SPAG6: variants seen among roughly 807,000 people sequenced by gnomAD.
The protein encoded by SPAG6 is sperm associated antigen 6, also known as sperm-associated antigen 6.
A neutral mutation model predicts 58.5 loss-of-function variants in SPAG6; 49 were observed. The observed-to-expected ratio is 0.84, with a 90% CI of 0.67 to 1.06. The LOEUF (loss-of-function observed/expected upper bound fraction) is 1.06, where lower values mean the gene tolerates loss of function less well. Ranked by LOEUF, SPAG6 falls within the 50% of genes least tolerant of loss-of-function variation. The pLI is 0.00. For missense variants in SPAG6, 560 were observed against 611.3 expected, an observed-to-expected ratio of 0.92 and a Z score of 0.89; for synonymous variants, 233 against 225.6, an observed-to-expected ratio of 1.03 and a Z score of -0.29.
chr10:22,412,754 G>T, intron 10 of SPAG6: 1 of 275,990 alleles, frequency 3.6e-6, no homozygotes, highest in South Asian at 6.9e-5. Context: ...TGTAGTTTTA[G>T]TAGAGACAGG....
intron 3 of SPAG6, among the ~76,000 whole-genome samples, chr10:22,367,568 T>C (rs79299623): frequency 2.0e-5 from 3 of 152,118 alleles, no homozygotes; most frequent in Non-Finnish European, 4.4e-5. Context: ...TGTGAAGAAA[T>C]AGAAACTTAG....
rs147283710 is a variant in SPAG6 at position 22,362,864 on chromosome 10, A to C, written c.122-1989A>C. Among the ~76,000 whole-genome samples, 431 of 152,192 alleles carry C rather than the reference A, an allele frequency of 2.8e-3. 2 individuals are homozygous for C. Among genetic ancestry groups the C allele is most frequent in the African/African-American group, 1.0e-2 (415 of 41,526 alleles). On this transcript the variant is annotated intron_variant, in intron 2 of 10. Coordinates refer to ENST00000376624, the MANE Select transcript of SPAG6 (RefSeq NM_012443.4). ...GACATTTCTTCAAAGAAGATGTACA[A>C]ATGGCCAATGAGCACATAAGATGCT...
chr10:22,411,076 G>A lies in SPAG6; in HGVS notation c.1360G>A (p.Gly454Ser). The A allele has an allele frequency of 6.2e-7, 1 of 1,614,028 alleles. No individual in the cohort carries two copies. The highest frequency in any genetic ancestry group is 8.5e-7 in the Non-Finnish European group (1 of 1,179,940). ...AGCTCGACGACTTTTTGTAACAAGT[G>A]GTGGCCTTAAAAAAGTTCAAGAGAT... The part of the protein sequence containing the change: ...SKARRLFVTS[G>S]GLKKVQEIKA... The change falls in exon 10 of 11, where the codon GGT (glycine) becomes AGT (serine). Residue 454 changes from glycine (G) to serine (S), a missense_variant. Coordinates refer to ENST00000376624, the MANE Select transcript of SPAG6 (RefSeq NM_012443.4).
intron 10 of SPAG6, among the ~76,000 whole-genome samples, chr10:22,413,541 A>G (rs1197366842): frequency 1.3e-5 from 2 of 152,034 alleles, no homozygotes; most frequent in African/African-American, 2.4e-5. Flanking sequence ...TCACAAAAAA[A>G]AAAAATTAAT....
chr10:22,394,980 G>A (rs1834263221), intron 8 of SPAG6, among the ~76,000 whole-genome samples: 1 of 152,128 alleles, frequency 6.6e-6, no homozygotes, highest in African/African-American at 2.4e-5. Context: ...AAAGCACTGG[G>A]ATAAGAGGTG....
chr10:22,346,490 CTTCTTCTTT>C (rs1454128205), intron 2 of SPAG6, among the ~76,000 whole-genome samples: 27 of 135,626 alleles, frequency 2.0e-4, no homozygotes, highest in Admixed American at 1.0e-3. Context: ...TCTTCTTCTT[CTTCTTCTTT>C]CTTCTTCTTC....
In SPAG6 at chr10:22,365,003, C is replaced by G. The variant is rs374106778; in HGVS notation, c.272C>G (p.Ser91Ter). The change falls in exon 3 of 11, where the codon TCA (serine) becomes TGA (stop). Residue 91 changes from serine (S) to a stop codon, truncating the protein, a stop_gained. Coordinates refer to ENST00000376624, the MANE Select transcript of SPAG6 (RefSeq NM_012443.4). LOFTEE classifies it high-confidence loss of function. ...KCDILPQLVY[S>*]LAEQNRFYKK... ...GACATTCTTCCACAGCTTGTTTATT[C>G]ATTGGCAGAACAGAATGTAAGAATT... 3.7e-6 allele frequency: 6 copies of G among 1,601,950 alleles called. No individual in the cohort carries two copies. Among genetic ancestry groups the G allele is most frequent in the Non-Finnish European group, 5.1e-6 (6 of 1,175,472 alleles).
chr10:22,386,967 A>G lies in SPAG6; in HGVS notation c.678+8A>G, dbSNP rs768234021. 3 of 1,608,098 alleles carry G rather than the reference A, an allele frequency of 1.9e-6. No homozygotes were observed. Among genetic ancestry groups the G allele is most frequent in the Middle Eastern group, 1.8e-4 (1 of 5,508 alleles). ...CCTGATGCTAAATTGAAGGTATTTCAAAATAAGGTTGAAAAATACATCAGC... is the reference window on the plus strand; with the variant it reads ...CCTGATGCTAAATTGAAGGTATTTCGAAATAAGGTTGAAAAATACATCAGC... On this transcript the variant is annotated splice_region_variant and intron_variant, in intron 5 of 10. Transcript: ENST00000376624.
chr10:22,367,047 A>G (rs1837221179), intron 3 of SPAG6, among the ~76,000 whole-genome samples: 1 of 151,726 alleles, frequency 6.6e-6, no homozygotes, highest in Admixed American at 6.6e-5. Context: ...GAGGAATGGA[A>G]GAGAAGAGTG....
chr10:22,406,867 A>C (rs1160156343), intron 9 of SPAG6, among the ~76,000 whole-genome samples: 2 of 151,510 alleles, frequency 1.3e-5, no homozygotes, highest in Admixed American at 1.3e-4. Context: ...CTTCTTGTTG[A>C]ATTGATCCCT....
intron 8 of SPAG6, among the ~76,000 whole-genome samples, chr10:22,397,403 C>G (rs1017774125): frequency 4.6e-5 from 7 of 152,214 alleles, no homozygotes; most frequent in Non-Finnish European, 1.0e-4. Context: ...ACCTCCACCT[C>G]CCAGGTTCAA....
chr10:22,403,482 T>G (rs994871217), intron 9 of SPAG6, among the ~76,000 whole-genome samples: 90 of 152,356 alleles, frequency 5.9e-4, no homozygotes, highest in African/African-American at 1.8e-3. Flanking sequence ...TTTTATGGCT[T>G]CATACTATTC....
chr10:22,413,692 T>G (rs1358173191), intron 10 of SPAG6, among the ~76,000 whole-genome samples: 1 of 149,620 alleles, frequency 6.7e-6, no homozygotes, highest in Non-Finnish European at 1.5e-5. Flanking sequence ...ATTTCTGATA[T>G]ATATATATAT....
intron 2 of SPAG6, among the ~76,000 whole-genome samples, chr10:22,352,030 G>C (rs935628093): frequency 2.6e-5 from 4 of 151,962 alleles, no homozygotes; most frequent in African/African-American, 9.7e-5. Context: ...CGTGGTGGCG[G>C]GTGCCTGCAG....
intron 2 of SPAG6, among the ~76,000 whole-genome samples, chr10:22,362,099 C>A (rs969023058): frequency 7.4e-6 from 1 of 135,106 alleles, no homozygotes; most frequent in African/African-American, 2.7e-5. Flanking sequence ...TTTATATATT[C>A]GATGTAAATA....
At chr10:22,415,341 C>G (rs536511946) in intron 10 of SPAG6, among the ~76,000 whole-genome samples, 360 of 151,912 alleles carry the variant, frequency 2.4e-3, no homozygotes, top group African/African-American at 8.2e-3. Context: ...AAATCTACCT[C>G]TTGAATTCAT....
At chr10:22,394,016 C>T (rs1180888216) in intron 8 of SPAG6, among the ~76,000 whole-genome samples, 1 of 152,150 alleles carries the variant, frequency 6.6e-6, no homozygotes, top group Non-Finnish European at 1.5e-5. Context: ...AATGAGCAAT[C>T]TTTTGGAATT....
chr10:22,360,754 A>G (rs1290165682), intron 2 of SPAG6: 3 of 1,476,892 alleles, frequency 2.0e-6, no homozygotes, highest in Admixed American at 2.0e-5. Flanking sequence ...GCTCCTTACT[A>G]GAGGCCTTGT....
chr10:22,359,627 A>G (rs544172748), intron 2 of SPAG6, among the ~76,000 whole-genome samples: 81 of 152,264 alleles, frequency 5.3e-4, no homozygotes, highest in African/African-American at 1.9e-3. Context: ...GTTGCACAAC[A>G]CTGTAAATGT....
Sources: gnomAD v4.1 joint callset for allele counts (sites outside exome capture counted in the v4.1 genomes callset) on GRCh38, gnomAD v4.1.1 for gene constraint, MANE v1.5 for transcripts, NCBI Gene and HGNC (gene_info 2026-07-23, HGNC 2026-07-21) for gene names.